Variants in CDKL4 observed in about 807,000 individuals in gnomAD.
The protein encoded by CDKL4 is cyclin dependent kinase like 4, also known as cyclin-dependent kinase-like 4.
CDKL4 carries 44 observed loss-of-function variants against 42.0 expected under a neutral mutation model. The observed-to-expected ratio is 1.05, with a 90% confidence interval of 0.82 to 1.35. The LOEUF (loss-of-function observed/expected upper bound fraction) is 1.35, where lower values mean the gene tolerates loss of function less well. Among genes scored for constraint, CDKL4 ranks in the 40% most tolerant of loss-of-function variants. The pLI is 0.00. For synonymous variants in CDKL4, 120 were observed against 121.6 expected, an observed-to-expected ratio of 0.99 and a Z score of 0.09; for missense variants, 393 against 369.9, an observed-to-expected ratio of 1.06 and a Z score of -0.51.
chr2:39,170,172 T>C, the CDKL4 span, among the ~76,000 whole-genome samples: 2 of 150,678 alleles, frequency 1.3e-5, no homozygotes, highest in Non-Finnish European at 3.0e-5. Flanking sequence ...TCCTAACTAC[T>C]ACTCTTAAAC....
At chr2:39,209,618 A>C (rs1677457677) in intron 4 of CDKL4, among the ~76,000 whole-genome samples, 1 of 152,106 alleles carries the variant, frequency 6.6e-6, no homozygotes, top group Admixed American at 6.5e-5. Flanking sequence ...CTCCCAGGTG[A>C]TCTCTATGAA....
At chr2:39,235,342 CAA>C (rs138712765) in intron 1 of CDKL4, among the ~76,000 whole-genome samples, 1,695 of 151,688 alleles carry the variant, frequency 0.011, 11 homozygotes, top group Middle Eastern at 0.031. Flanking sequence ...AAGGTAGAAA[CAA>C]GAGTGGAAGA....
intron 4 of CDKL4, among the ~76,000 whole-genome samples, chr2:39,208,509 T>G (rs560991298): frequency 5.9e-5 from 9 of 152,002 alleles, no homozygotes; most frequent in African/African-American, 2.2e-4. Context: ...CCTGGCTAAT[T>G]TTTTGTATTT....
intron 4 of CDKL4, among the ~76,000 whole-genome samples, chr2:39,211,794 A>T (rs1020915826): frequency 6.6e-6 from 1 of 152,032 alleles, no homozygotes; most frequent in South Asian, 2.1e-4. Context: ...GGACCAAACG[A>T]ATACCTCCTG....
chr2:39,240,735 AG>A (rs1340622681), intron 1 of CDKL4, among the ~76,000 whole-genome samples: 2 of 151,834 alleles, frequency 1.3e-5, no homozygotes, highest in Non-Finnish European at 2.9e-5. Context: ...ATGCTAAGTG[AG>A]AGAAGACAGA....
chr2:39,173,940 G>A (rs1233015269), downstream of CDKL4, among the ~76,000 whole-genome samples: 2 of 151,870 alleles, frequency 1.3e-5, no homozygotes, highest in South Asian at 4.2e-4. Flanking sequence ...CCACGATTGC[G>A]CCACTCCAGC....
At chr2:39,172,668 G>A (rs1675034323), downstream of CDKL4, among the ~76,000 whole-genome samples, 1 of 152,056 alleles carries the variant, frequency 6.6e-6, no homozygotes, top group African/African-American at 2.4e-5. Context: ...TACAATCTCC[G>A]CCTCCTGAGT....
At chr2:39,193,556 G>T (rs2148310561) in intron 5 of CDKL4, among the ~76,000 whole-genome samples, 1 of 152,006 alleles carries the variant, frequency 6.6e-6, no homozygotes, top group Admixed American at 6.6e-5. Flanking sequence ...TGTATTTTTA[G>T]TAGAGACGGG....
chr2:39,204,986 C>G (rs1156610863), intron 4 of CDKL4, among the ~76,000 whole-genome samples: 1 of 151,372 alleles, frequency 6.6e-6, no homozygotes, highest in Non-Finnish European at 1.5e-5. Flanking sequence ...TGAGACCACC[C>G]TGGGCAATGC....
exon 6 of CDKL4, chr2:39,190,406 A>T: frequency 6.2e-7 from 1 of 1,614,060 alleles, no homozygotes; most frequent in Non-Finnish European, 8.5e-7. Flanking sequence ...AATAGCCCAT[A>T]TATCGACTGA....
At chr2:39,217,865 C>T (rs1489036396) in intron 3 of CDKL4, among the ~76,000 whole-genome samples, 2 of 152,094 alleles carry the variant, frequency 1.3e-5, no homozygotes, top group African/African-American at 4.8e-5. Context: ...TCCCAAGTAG[C>T]TGGGATTACA....
rs1558589552 is a variant in CDKL4 at position 39,238,864 on chromosome 2, G to A, written c.-57+5007C>T. Among the ~76,000 whole-genome samples, 3 of 152,178 alleles carry A rather than the reference G, an allele frequency of 2.0e-5. No individual in the cohort carries two copies. In the South Asian group the frequency reaches 6.2e-4, roughly 31 times the overall value. On this transcript the variant is annotated intron_variant, in intron 1 of 9. Transcript: ENST00000451199. Reference sequence around the variant, plus strand: ...TCTCCTGGGTTCAAGTGATTCTCCTGCCTCAGTCTCCCAAGTAGCTGGGAT... The same window carrying A: ...TCTCCTGGGTTCAAGTGATTCTCCTACCTCAGTCTCCCAAGTAGCTGGGAT...
chr2:39,229,459 G>GT lies in CDKL4; in HGVS notation c.73dup (p.Thr25AsnfsTer9), dbSNP rs1678963846. ...TTTAACAGCTACTACTTGTCCAGAG[G>GT]TTTTGTTTCTGCATTTGAATACAAC... is the stretch of plus-strand genomic sequence containing the variant. On this transcript the variant is annotated frameshift_variant, in exon 2 of 10. Transcript: ENST00000451199. LOFTEE classifies it high-confidence loss of function. The GT allele has an allele frequency of 2.5e-6, 4 of 1,613,248 alleles. No homozygotes were observed. Among genetic ancestry groups the GT allele is most frequent in the Non-Finnish European group, 3.4e-6 (4 of 1,179,718 alleles).
rs575977042 is a variant in CDKL4, at chr2:39,221,307, G to A, written c.290+4532C>T. ...TGGGATTACAGGCGTGAGCCACTGC[G>A]CCCGTCCACATTGATGATCTTATGC... is the stretch of plus-strand genomic sequence containing the variant. On this transcript the variant is annotated intron_variant, in intron 3 of 9. Transcript: ENST00000451199. Among the ~76,000 whole-genome samples the A allele has an allele frequency of 1.5e-3, 222 of 152,130 alleles. 2 individuals are homozygous for A. Among genetic ancestry groups the A allele is most frequent in the African/African-American group, 4.7e-3 (195 of 41,526 alleles).
intron 5 of CDKL4, among the ~76,000 whole-genome samples, chr2:39,193,452 C>T (rs535054968): frequency 1.3e-5 from 2 of 151,450 alleles, no homozygotes; most frequent in South Asian, 2.1e-4. Context: ...CTCGGCTCAC[C>T]GCAACCTCCA....
chr2:39,232,416 C>T (rs546621432), intron 1 of CDKL4, among the ~76,000 whole-genome samples: 318 of 152,248 alleles, frequency 2.1e-3, no homozygotes, highest in African/African-American at 7.3e-3. Flanking sequence ...TATTTGAGAT[C>T]CAGACCAACT....
chr2:39,221,863 C>T (rs1280731255), intron 3 of CDKL4, among the ~76,000 whole-genome samples: 1 of 152,162 alleles, frequency 6.6e-6, no homozygotes, highest in African/African-American at 2.4e-5. Flanking sequence ...CCCTCACTTC[C>T]CGGGGTCAAC....
At chr2:39,213,814 A>C (rs1229915499) in intron 3 of CDKL4, among the ~76,000 whole-genome samples, 1 of 152,190 alleles carries the variant, frequency 6.6e-6, no homozygotes, top group South Asian at 2.1e-4. Flanking sequence ...TGCTACCCCA[A>C]AATAACTGCT....
chr2:39,244,719 G>C (rs1312054383), upstream of CDKL4, among the ~76,000 whole-genome samples: 3 of 152,262 alleles, frequency 2.0e-5, no homozygotes, highest in African/African-American at 7.2e-5. Flanking sequence ...GGATCCACTT[G>C]TTGAAGCCAG....
Sources: allele counts gnomAD v4.1 joint callset (sites outside exome capture counted in the v4.1 genomes callset), GRCh38; gene constraint gnomAD v4.1.1; transcripts MANE v1.5; gene names NCBI Gene and HGNC (gene_info 2026-07-23, HGNC 2026-07-21).